ZMYM2: variants seen among roughly 807,000 people sequenced by gnomAD.
ZMYM2 encodes zinc finger MYM-type containing 2.
In ZMYM2, 56 loss-of-function variants were observed where a neutral mutation model predicts 162.8. That is an observed-to-expected ratio of 0.34 (90% CI 0.28 to 0.43). The LOEUF (loss-of-function observed/expected upper bound fraction) is 0.43. ZMYM2 is among the 20% of genes least tolerant of loss of function. The probability of loss-of-function intolerance (pLI) is 1.00; values close to 1 mark genes in which losing one functional copy is unlikely to be tolerated. For missense variants in ZMYM2, 1,275 were observed against 1,621.8 expected (o/e 0.79, Z 3.67); for synonymous variants, 510 against 541.6 (o/e 0.94, Z 0.81).
At chr13:19,985,025 AT>A (rs1284995600) in intron 2 of ZMYM2, among the ~76,000 whole-genome samples, 1 of 152,216 alleles carries the variant, frequency 6.6e-6, no homozygotes, top group African/African-American at 2.4e-5. Flanking sequence ...ACATCTGTAG[AT>A]TTGGGCTGAG....
chr13:20,037,979 G>T (rs759694540), intron 12 of ZMYM2, among the ~76,000 whole-genome samples: 3 of 152,068 alleles, frequency 2.0e-5, no homozygotes, highest in Non-Finnish European at 2.9e-5. Flanking sequence ...CCCAGTGTCT[G>T]TTGTTCCCCT....
At chr13:20,074,242 G>GAC (rs1269553638) in intron 21 of ZMYM2, among the ~76,000 whole-genome samples, 75 of 151,196 alleles carry the variant, frequency 5.0e-4, no homozygotes, top group African/African-American at 1.8e-3. Flanking sequence ...GTGTGTGAGA[G>GAC]AGACAGAGAG....
Position 20,030,693 on chromosome 13 carries a change from T to C in ZMYM2, c.1852-626T>C, listed in dbSNP as rs374274555. Among the ~76,000 whole-genome samples the C allele has an allele frequency of 3.0e-4, 46 of 152,204 alleles. 1 individual carries two copies. The highest frequency in any genetic ancestry group is 7.7e-4 in the East Asian group (4 of 5,162). ...GATTACAGGCATGAGCCACCACGCC[T>C]GGCCTAATTTTTGTAGTTTTAGTAG... On this transcript the variant is annotated intron_variant, in intron 9 of 24. Transcript: ENST00000610343.
At chr13:19,990,283 C>G (rs1436086816) in intron 2 of ZMYM2, among the ~76,000 whole-genome samples, 2 of 152,200 alleles carry the variant, frequency 1.3e-5, no homozygotes, top group Non-Finnish European at 2.9e-5. Context: ...AATGAATTAG[C>G]TAGTTGGCCT....
intron 2 of ZMYM2, among the ~76,000 whole-genome samples, chr13:19,983,098 T>C (rs1481873925): frequency 6.6e-6 from 1 of 152,186 alleles, no homozygotes; most frequent in Non-Finnish European, 1.5e-5. Context: ...TCCGGGTCTT[T>C]GGGGGTAAAG....
intron 2 of ZMYM2, among the ~76,000 whole-genome samples, chr13:19,970,531 C>T (rs2139258613): frequency 1.4e-5 from 2 of 146,854 alleles, no homozygotes; most frequent in South Asian, 2.1e-4. Context: ...AAGTGATTGT[C>T]CTATGCACAC....
Position 20,007,761 on chromosome 13 carries a change from C to T in ZMYM2, c.1512+1175C>T, listed in dbSNP as rs557074406. On this transcript the variant is annotated intron_variant, in intron 6 of 24. Transcript: ENST00000610343. ...TCAGCCTCCTGAGTAGCTGGGATTA[C>T]AGGCGTGCACCACCACGCTGAGCTA... is the stretch of plus-strand genomic sequence containing the variant. 2.6e-5 allele frequency among the ~76,000 whole-genome samples: 4 copies of T among 151,878 alleles called. No homozygotes were observed. The South Asian group carries it at 8.3e-4, about 32-fold the overall frequency.
At chr13:20,053,468 T>G (rs1955537089) in intron 14 of ZMYM2, among the ~76,000 whole-genome samples, 1 of 152,164 alleles carries the variant, frequency 6.6e-6, no homozygotes, top group Non-Finnish European at 1.5e-5. Flanking sequence ...CTGGCCAACA[T>G]GGTGAATCTC....
chr13:20,053,825 C>G (rs1261576912), intron 14 of ZMYM2, among the ~76,000 whole-genome samples: 1 of 152,150 alleles, frequency 6.6e-6, no homozygotes, highest in Non-Finnish European at 1.5e-5. Context: ...CCATACCCCC[C>G]CTTATGGAAA....
chr13:20,064,325 C>T (rs1276413022), intron 18 of ZMYM2, 126 bp from the exon 19 acceptor site: 2 of 625,934 alleles, frequency 3.2e-6, no homozygotes, highest in East Asian at 3.2e-5. Context: ...ATTTACTCCC[C>T]AGCCCAGCCT....
At chr13:19,947,663 TGGCTAGGCTA>T in the ZMYM2 span, among the ~76,000 whole-genome samples, 91 of 148,574 alleles carry the variant, frequency 6.1e-4, no homozygotes, top group African/African-American at 1.7e-3. Flanking sequence ...TTCACCATGT[TGGCTAGGCTA>T]GGCTAGGCTA....
intron 7 of ZMYM2, among the ~76,000 whole-genome samples, chr13:20,021,196 C>T (rs560638755): frequency 5.3e-5 from 8 of 152,076 alleles, no homozygotes; most frequent in Non-Finnish European, 7.4e-5. Flanking sequence ...AGGATGGTCT[C>T]GATCTCCTGA....
chr13:19,950,076 C>T, the ZMYM2 span, among the ~76,000 whole-genome samples: 2 of 151,696 alleles, frequency 1.3e-5, no homozygotes, highest in African/African-American at 2.4e-5. Flanking sequence ...AGTTGGAGAC[C>T]AGCCTGGACT....
chr13:19,885,273 T>TA, the ZMYM2 span, among the ~76,000 whole-genome samples: 1 of 151,888 alleles, frequency 6.6e-6, no homozygotes, highest in African/African-American at 2.4e-5. Context: ...GACCCTGTCT[T>TA]AAAAAAAAGT....
the ZMYM2 span, among the ~76,000 whole-genome samples, chr13:19,893,923 A>G: frequency 2.0e-5 from 3 of 151,846 alleles, no homozygotes; most frequent in Admixed American, 2.0e-4. Context: ...ACAGGCACAC[A>G]CCACCACGTT....
chr13:20,036,799 A>C lies in ZMYM2; in HGVS notation c.2182A>C (p.Asn728His). 6.2e-7 allele frequency: 1 copy of C among 1,606,026 alleles called. No individual in the cohort carries two copies. The highest frequency in any genetic ancestry group is 1.1e-5 in the South Asian group (1 of 89,452). ...TTTAGGATTGAGATGTGTTACTTGCAACTATTGTTCTCAGCTATGTAAGAA... is the reference window on the plus strand; with the variant it reads ...TTTAGGATTGAGATGTGTTACTTGCCACTATTGTTCTCAGCTATGTAAGAA... ...RRLGLRCVTC[N>H]YCSQLCKKGA... is the part of the protein sequence containing the mutation. Residue 728 changes from asparagine (N) to histidine (H), a missense_variant, in exon 12 of 25, where the codon AAC (asparagine) becomes CAC (histidine). By Grantham distance (68) the Asn-to-His change is moderately conservative (BLOSUM62 1). Transcript: ENST00000610343.
At chr13:20,061,371 A>ATCCACC in intron 17 of ZMYM2, 147 bp downstream of exon 17, 8 of 694,998 alleles carry the variant, frequency 1.2e-5, no homozygotes, top group South Asian at 9.0e-5. Flanking sequence ...TTTTATATTA[A>ATCCACC]GAGATCTACA....
intron 7 of ZMYM2, chr13:20,025,020 C>G: frequency 4.7e-6 from 1 of 213,820 alleles, no homozygotes; most frequent in East Asian, 7.0e-5. Flanking sequence ...GCTGAAAGAC[C>G]TTTTTCTTGA....
chr13:19,941,901 C>G, the ZMYM2 span, among the ~76,000 whole-genome samples: 2 of 151,490 alleles, frequency 1.3e-5, no homozygotes, highest in African/African-American at 4.9e-5. Flanking sequence ...TGTGTGCCAC[C>G]ACACCTGGCT....
Sources: gnomAD v4.1 joint callset for allele counts (sites outside exome capture counted in the v4.1 genomes callset) on GRCh38, gnomAD v4.1.1 for gene constraint, MANE v1.5 for transcripts, NCBI Gene and HGNC (gene_info 2026-07-23, HGNC 2026-07-21) for gene names.